Variants in DDX60L observed in about 807,000 individuals in gnomAD.
The protein encoded by DDX60L is DExD/H-box 60 like.
DDX60L carries 191 observed loss-of-function variants against 211.6 expected under a neutral mutation model. That is an observed-to-expected ratio of 0.90 (90% CI 0.80 to 1.02). The LOEUF (loss-of-function observed/expected upper bound fraction) is 1.02. DDX60L is among the 50% of genes least tolerant of loss of function. The probability of loss-of-function intolerance (pLI) is 0.00; values close to 1 mark genes in which losing one functional copy is unlikely to be tolerated. For synonymous variants in DDX60L, 706 were observed against 694.1 expected, an observed-to-expected ratio of 1.02 and a Z score of -0.27; for missense variants, 2,007 against 1,984.1, an observed-to-expected ratio of 1.01 and a Z score of -0.22.
At chr4:168,369,383 A>T (rs1056793312) in intron 36 of DDX60L, among the ~76,000 whole-genome samples, 1 of 152,056 alleles carries the variant, frequency 6.6e-6, no homozygotes, top group Non-Finnish European at 1.5e-5. Context: ...AGGTTGCGGA[A>T]CTGTAGGTCA....
intron 14 of DDX60L, among the ~76,000 whole-genome samples, chr4:168,424,028 A>T (rs1207227104): frequency 6.6e-6 from 1 of 152,238 alleles, no homozygotes; most frequent in Non-Finnish European, 1.5e-5. Flanking sequence ...AAAAGAAAAG[A>T]AACAAACTTT....
chr4:168,427,075 C>T lies in DDX60L; in HGVS notation c.1925G>A (p.Gly642Asp). 8.1e-6 allele frequency: 13 copies of T among 1,601,294 alleles called. No homozygotes were observed. The highest frequency in any genetic ancestry group is 1.1e-5 in the Non-Finnish European group (13 of 1,172,610). The change falls in exon 14 of 38, where the codon GGT (glycine) becomes GAT (aspartate). Residue 642 changes from glycine to aspartate, a missense_variant. Transcript: ENST00000682922. ...TAGAGTATGGAGTCCCATACCTTCA[C>T]CTCGGCAATGTTTTTTCCATGCTTT... is the stretch of plus-strand genomic sequence containing the variant. ...CFKAWKKHCR[G>D]EGKISKDLSI...
chr4:168,383,212 T>A (rs1743263523), intron 30 of DDX60L, among the ~76,000 whole-genome samples: 1 of 152,288 alleles, frequency 6.6e-6, no homozygotes, highest in East Asian at 1.9e-4. Context: ...AACAAAATTA[T>A]TTTTTTCTGT....
chr4:168,386,123 G>T (rs1743824829), intron 29 of DDX60L, among the ~76,000 whole-genome samples: 2 of 152,070 alleles, frequency 1.3e-5, no homozygotes, highest in African/African-American at 4.8e-5. Context: ...AACTTCTTCA[G>T]TTCTGCTTGG....
At chr4:168,426,962 G>T in intron 14 of DDX60L, 108 bp downstream of exon 14, 1 of 1,221,862 alleles carries the variant, frequency 8.2e-7, no homozygotes, top group Non-Finnish European at 1.1e-6. Flanking sequence ...AATAAAATCA[G>T]ACAATGGATT....
At chr4:168,477,394 G>C (rs1446485324) in intron 1 of DDX60L, among the ~76,000 whole-genome samples, 2 of 151,098 alleles carry the variant, frequency 1.3e-5, no homozygotes. Context: ...CAGCCTGGGC[G>C]ACAGAGCAAG....
intron 36 of DDX60L, among the ~76,000 whole-genome samples, chr4:168,368,714 A>G (rs1322294905): frequency 1.3e-5 from 2 of 152,230 alleles, no homozygotes; most frequent in African/African-American, 4.8e-5. Context: ...GCAAAGCCAA[A>G]GGGGTGGAGC....
intron 8 of DDX60L, among the ~76,000 whole-genome samples, chr4:168,450,312 A>T (rs1485633766): frequency 6.6e-6 from 1 of 152,138 alleles, no homozygotes; most frequent in African/African-American, 2.4e-5. Context: ...ACTCAGTGCA[A>T]GAAGACAGCT....
At chr4:168,419,889 G>T (rs1750204669) in intron 18 of DDX60L, among the ~76,000 whole-genome samples, 1 of 151,936 alleles carries the variant, frequency 6.6e-6, no homozygotes, top group Non-Finnish European at 1.5e-5. Context: ...TGAAATTTCA[G>T]ATCACAATGT....
rs1277188644 is a variant in DDX60L at position 168,375,269 on chromosome 4, T to C, written c.4633+108A>G. On this transcript the variant is annotated intron_variant, in intron 34 of 37. Coordinates refer to ENST00000682922, the MANE Select transcript of DDX60L (RefSeq NM_001012967.3). ...AACACTTGGGTTAGTACAGCTGCCC[T>C]GTAATAAGCTCCTTTACCAGCTTTG... The C allele has an allele frequency of 5.8e-6, 7 of 1,210,924 alleles. No individual in the cohort carries two copies. In the Admixed American group the frequency reaches 1.6e-4, roughly 28 times the overall value. 75.0% of individuals were successfully genotyped at this position (1,210,924 alleles called of 1,614,324 possible).
chr4:168,394,759 G>A (rs908643424), intron 27 of DDX60L, 142 bp from the exon 28 acceptor site: 7 of 686,260 alleles, frequency 1.0e-5, no homozygotes, highest in African/African-American at 3.7e-5. Flanking sequence ...GAACCTACAT[G>A]TTTTATGACT....
At chr4:168,438,570 G>A (rs2130133) in intron 10 of DDX60L, among the ~76,000 whole-genome samples, 112,542 of 152,176 alleles carry the variant, frequency 0.74, 42,928 homozygotes, top group East Asian at 0.91. Context: ...TTTAATTCAG[G>A]CCCTCCAGAA....
chr4:168,447,727 G>A (rs1755038211), intron 9 of DDX60L, among the ~76,000 whole-genome samples: 1 of 151,656 alleles, frequency 6.6e-6, no homozygotes. Flanking sequence ...GTCCTTTGTA[G>A]GGACATGGAT....
intron 4 of DDX60L, chr4:168,469,781 G>A (rs1305246487): frequency 6.6e-6 from 1 of 152,282 alleles, no homozygotes; most frequent in Non-Finnish European, 1.5e-5. Context: ...AGGAGGCTGA[G>A]GCAGGAGAAT....
intron 4 of DDX60L, chr4:168,470,425 TA>T (rs1329218902): frequency 6.6e-6 from 1 of 152,148 alleles, no homozygotes. Context: ...AGAAAATGGG[TA>T]AACAAACCGT....
chr4:168,373,605 C>G lies in DDX60L; in HGVS notation c.4776+61G>C, dbSNP rs190889433. Reference sequence around the variant, plus strand: ...TTGAGGTCCTATCAAGGCTTCACAGCAATGTAACCCCACTCTGTCTGTTAA... The same window carrying G: ...TTGAGGTCCTATCAAGGCTTCACAGGAATGTAACCCCACTCTGTCTGTTAA... On this transcript the variant is annotated intron_variant, in intron 35 of 37. Coordinates refer to ENST00000682922, the MANE Select transcript of DDX60L (RefSeq NM_001012967.3). The G allele has an allele frequency of 1.4e-4, 211 of 1,533,444 alleles. 2 individuals are homozygous for G. The African/African-American group carries it at 2.8e-3, about 20-fold the overall frequency. 95.0% of individuals were successfully genotyped at this position (1,533,444 alleles called of 1,614,324 possible).
intron 22 of DDX60L, among the ~76,000 whole-genome samples, chr4:168,413,947 C>G (rs1415264559): frequency 6.6e-6 from 1 of 152,024 alleles, no homozygotes; most frequent in Admixed American, 6.6e-5. Context: ...TAATCATACT[C>G]CCAAAGGTCA....
At chr4:168,421,621 C>T (rs1242074923) in intron 17 of DDX60L, 139 bp downstream of exon 17, 5 of 1,209,140 alleles carry the variant, frequency 4.1e-6, no homozygotes, top group African/African-American at 1.5e-5. Flanking sequence ...CGCCACTGCA[C>T]TCCAGCCTGA....
intron 8 of DDX60L, among the ~76,000 whole-genome samples, chr4:168,451,682 A>G (rs1370612293): frequency 1.3e-5 from 2 of 152,216 alleles, no homozygotes; most frequent in African/African-American, 4.8e-5. Flanking sequence ...TGTCAATTTC[A>G]GCTTGAAATC....
Sources: allele counts gnomAD v4.1 joint callset (sites outside exome capture counted in the v4.1 genomes callset), GRCh38; gene constraint gnomAD v4.1.1; transcripts MANE v1.5; gene names NCBI Gene and HGNC (gene_info 2026-07-23, HGNC 2026-07-21).